ING5: variants seen among roughly 807,000 people sequenced by gnomAD.
The protein encoded by ING5 is inhibitor of growth family member 5.
Under a neutral mutation model 37.4 loss-of-function variants are expected in ING5, and 17 were observed. The ratio of observed to expected loss-of-function variants is 0.45; its 90% CI spans 0.31 to 0.68. The LOEUF (loss-of-function observed/expected upper bound fraction) is 0.68. Ranked by LOEUF, ING5 falls within the 30% of genes least tolerant of loss-of-function variation. The pLI, the probability that ING5 is intolerant of heterozygous loss-of-function variation, is 0.05. For synonymous variants in ING5, 123 were observed against 116.6 expected (o/e 1.06, Z -0.36); for missense variants, 233 against 311.9 (o/e 0.75, Z 1.91).
intron 5 of ING5, among the ~76,000 whole-genome samples, chr2:241,713,638 T>C (rs1468785632): frequency 1.3e-5 from 2 of 149,694 alleles, no homozygotes; most frequent in Non-Finnish European, 3.0e-5. Context: ...CCCAAAGTGC[T>C]GGGATTACAG....
At chr2:241,724,822 C>T (rs796291103) in intron 7 of ING5, 167 bp from the exon 8 acceptor site, 3 of 634,448 alleles carry the variant, frequency 4.7e-6, no homozygotes, top group South Asian at 3.8e-5. Context: ...GCACGTGCAT[C>T]GGCGCATTTT....
At chr2:241,709,452 A>G in intron 3 of ING5, 70 bp downstream of exon 3, 1 of 1,472,014 alleles carries the variant, frequency 6.8e-7, no homozygotes, top group Non-Finnish European at 9.2e-7. Context: ...ACAAAATGTA[A>G]AAACTGCCCG....
At chr2:241,702,871 G>A (rs1364236047) in intron 1 of ING5, among the ~76,000 whole-genome samples, 1 of 152,256 alleles carries the variant, frequency 6.6e-6, no homozygotes, top group Non-Finnish European at 1.5e-5. Context: ...GATGGGCACA[G>A]CTTTGGGGTC....
At chr2:241,695,162 G>T (rs1288090925) in intron 2 of ING5, among the ~76,000 whole-genome samples, 2 of 151,618 alleles carry the variant, frequency 1.3e-5, no homozygotes, top group African/African-American at 4.9e-5. Context: ...ATGTCTTAGG[G>T]CTACCAAAGT....
At position 241,725,129 on chromosome 2, in the gene ING5, T is replaced by A. The variant is rs1575143284; in HGVS notation, c.*98T>A. On this transcript the variant is annotated 3_prime_UTR_variant, in exon 8 of 8. Transcript: ENST00000313552. ...TTTTAAAACTACCTTGTTCGGTTGATACTTAGTAACTCCGTGGCCAGTTGA... is the reference window on the plus strand; with the variant it reads ...TTTTAAAACTACCTTGTTCGGTTGAAACTTAGTAACTCCGTGGCCAGTTGA... 3 of 1,288,698 alleles carry A rather than the reference T, an allele frequency of 2.3e-6. No individual in the cohort carries two copies. 79.8% of individuals were successfully genotyped at this position (1,288,698 alleles called of 1,614,324 possible).
chr2:241,708,345 C>A (rs1243721909), intron 2 of ING5, among the ~76,000 whole-genome samples: 1 of 151,846 alleles, frequency 6.6e-6, no homozygotes, highest in East Asian at 1.9e-4. Flanking sequence ...GTAGCTGGGA[C>A]TATAGGCACC....
upstream of ING5, among the ~76,000 whole-genome samples, chr2:241,697,434 C>CAA (rs1189871969): frequency 0.012 from 823 of 69,542 alleles, 11 homozygotes; most frequent in Non-Finnish European, 0.019. Context: ...GACTCTGTCT[C>CAA]AAAAAAAAAA....
At chr2:241,709,013 C>A in intron 2 of ING5, 1 of 514,720 alleles carries the variant, frequency 1.9e-6, no homozygotes, top group Non-Finnish European at 3.5e-6. Flanking sequence ...GGCACGTTGC[C>A]GTAAAGTCTG....
At chr2:241,703,485 G>A (rs953756205) in intron 1 of ING5, among the ~76,000 whole-genome samples, 5 of 152,170 alleles carry the variant, frequency 3.3e-5, no homozygotes, top group Non-Finnish European at 7.3e-5. Flanking sequence ...GAATGGTTGC[G>A]CTAGCCACAG....
intron 6 of ING5, 34 bp downstream of exon 6, chr2:241,723,108 C>T (rs371250010): frequency 2.9e-5 from 47 of 1,614,132 alleles, no homozygotes; most frequent in Middle Eastern, 1.6e-4. Context: ...CGCCATGGGG[C>T]GGGGTCTTGT....
intron 5 of ING5, among the ~76,000 whole-genome samples, chr2:241,718,861 A>C (rs983059072): frequency 6.6e-6 from 1 of 152,208 alleles, no homozygotes; most frequent in African/African-American, 2.4e-5. Context: ...GGCATGTGCC[A>C]CCATTCCTTG....
At chr2:241,704,467 C>T (rs1023745307) in intron 1 of ING5, among the ~76,000 whole-genome samples, 186 bp from the exon 2 acceptor site, 10 of 152,056 alleles carry the variant, frequency 6.6e-5, no homozygotes, top group Non-Finnish European at 1.0e-4. Context: ...ACTCAGGAGG[C>T]GGAGGCGTGA....
intron 2 of ING5, among the ~76,000 whole-genome samples, chr2:241,707,260 G>C (rs2069948624): frequency 6.6e-6 from 1 of 151,052 alleles, no homozygotes; most frequent in African/African-American, 2.4e-5. Flanking sequence ...TGCCTGGCCT[G>C]AGATTTTTTA....
At chr2:241,695,961 G>A (rs774707167) in intron 2 of ING5, among the ~76,000 whole-genome samples, 3 of 152,074 alleles carry the variant, frequency 2.0e-5, no homozygotes, top group Non-Finnish European at 2.9e-5. Flanking sequence ...GGCTGGGTGC[G>A]GCAGCTTATA....
At chr2:241,691,251 C>A in intron 2 of ING5, among the ~76,000 whole-genome samples, 1 of 151,598 alleles carries the variant, frequency 6.6e-6, no homozygotes, top group Non-Finnish European at 1.5e-5. Context: ...CCAGCCTAGA[C>A]AACATGGTGA....
chr2:241,702,034 CG>C, upstream of ING5: 1 of 1,358,144 alleles, frequency 7.4e-7, no homozygotes, highest in Non-Finnish European at 9.5e-7. Flanking sequence ...ACCGCCCGCC[CG>C]CGCAGACCCC....
rs766050182 is a variant in ING5 at position 241,725,057 on chromosome 2, G to A, written c.*26G>A. On this transcript the variant is annotated 3_prime_UTR_variant, in exon 8 of 8. Transcript: ENST00000313552. ...GAGGAGCTGTGTGCCCGGATCCGAG[G>A]AGCAAGTTAATCTGTCCCTTCATTC... 1 of 1,612,306 alleles carries A rather than the reference G, an allele frequency of 6.2e-7. No homozygotes were observed. The highest frequency in any genetic ancestry group is 2.2e-5 in the East Asian group (1 of 44,874).
At position 241,709,341 on chromosome 2, in the gene ING5, A is replaced by G. The variant is rs774442290; in HGVS notation, c.235A>G (p.Ser79Gly). Residue 79 changes from serine to glycine, a missense_variant, in exon 3 of 8, where the codon AGT becomes GGT. By Grantham distance (56) the Ser-to-Gly change is moderately conservative. Coordinates refer to ENST00000313552, the MANE Select transcript of ING5 (RefSeq NM_032329.6). ...QNAYSKCKEY[S>G]DDKVQLAMQT... Reference sequence around the variant, plus strand: ...CGCCTACAGCAAGTGCAAGGAATACAGTGACGACAAAGTGCAGCTGGCCAT... The same window carrying G: ...CGCCTACAGCAAGTGCAAGGAATACGGTGACGACAAAGTGCAGCTGGCCAT... The G allele has an allele frequency of 1.2e-6, 2 of 1,613,892 alleles. No individual in the cohort carries two copies. The highest frequency in any genetic ancestry group is 4.5e-5 in the East Asian group (2 of 44,876).
In ING5 at chr2:241,720,543, CTG is replaced by C. The variant is rs754302188; in HGVS notation, c.483-2387_483-2386del. ...TGGCCTTGCTCTGGCGAGGCAGAAC[CTG>C]TGTGTGTGGATGAAGGGCAGTGTCA... On this transcript the variant is annotated intron_variant, in intron 5 of 7. Transcript: ENST00000313552. The C allele has an allele frequency of 2.1e-3, 2,075 of 989,450 alleles. 5 individuals carry two copies. Among genetic ancestry groups the C allele is most frequent in the Admixed American group, 2.4e-3 (40 of 16,362 alleles). 61.3% of individuals were successfully genotyped at this position (989,450 alleles called of 1,614,324 possible). A position where few individuals can be genotyped will look rare whatever the true frequency, so the allele number is the denominator to read the frequency against.
Sources: gnomAD v4.1 joint callset for allele counts (sites outside exome capture counted in the v4.1 genomes callset) on GRCh38, gnomAD v4.1.1 for gene constraint, MANE v1.5 for transcripts, NCBI Gene and HGNC (gene_info 2026-07-23, HGNC 2026-07-21) for gene names.